Variants in KCNH8 observed in about 807,000 individuals in gnomAD.
KCNH8 encodes potassium voltage-gated channel subfamily H member 8, also known as voltage-gated delayed rectifier potassium channel KCNH8.
KCNH8 carries 70 observed loss-of-function variants against 103.6 expected under a neutral mutation model. The ratio of observed to expected loss-of-function variants is 0.68; its 90% CI spans 0.56 to 0.82. The LOEUF (loss-of-function observed/expected upper bound fraction) is 0.82, where lower values mean the gene tolerates loss of function less well. Among genes scored for constraint, KCNH8 ranks in the 40% least tolerant of loss-of-function variants. The pLI, the probability that KCNH8 is intolerant of heterozygous loss-of-function variation, is 0.00. For synonymous variants in KCNH8, 498 were observed against 489.4 expected, an observed-to-expected ratio of 1.02 and a Z score of -0.23; for missense variants, 1,217 against 1,329.9, an observed-to-expected ratio of 0.92 and a Z score of 1.32.
At chr3:19,395,682 C>G (rs1392591546) in intron 7 of KCNH8, among the ~76,000 whole-genome samples, 1 of 151,938 alleles carries the variant, frequency 6.6e-6, no homozygotes, top group Admixed American at 6.6e-5. Flanking sequence ...GATAACTTAA[C>G]TAATAAGAAA....
chr3:19,449,979 T>G, intron 8 of KCNH8, 127 bp from the exon 9 acceptor site: 1 of 714,116 alleles, frequency 1.4e-6, no homozygotes, highest in Middle Eastern at 2.5e-4. Context: ...CCAAAATAGC[T>G]GTATCAACAT....
intron 5 of KCNH8, among the ~76,000 whole-genome samples, chr3:19,375,435 A>G (rs368385620): frequency 5.1e-4 from 76 of 150,490 alleles, no homozygotes; most frequent in Middle Eastern, 3.4e-3. Context: ...CGTAGTTCTC[A>G]AGCCTTGGTT....
intron 11 of KCNH8, among the ~76,000 whole-genome samples, chr3:19,491,832 G>A (rs2068328538): frequency 6.6e-6 from 1 of 152,146 alleles, no homozygotes; most frequent in African/African-American, 2.4e-5. Flanking sequence ...AGCTTTGCCA[G>A]CATCTGTTTT....
rs771299350 is a variant in KCNH8, at chr3:19,513,126, A to G, written c.2236A>G (p.Lys746Glu). Residue 746 changes from lysine (K) to glutamate (E), a missense_variant, in exon 13 of 16, where the codon AAA becomes GAA. By Grantham distance (56) the Lys-to-Glu change is moderately conservative. Around this residue, in one of 3 missense-constraint regions of KCNH8, gnomAD observed 558 missense variants for 495.8 expected, o/e 1.13. Transcript: ENST00000328405. ...GCGCAACAAGAAGGTTGGAAGCAAT[A>G]AAGCCTACCTGGGCTTAAGCTTAAA... ...SSRNKKVGSN[K>E]AYLGLSLKQL... The G allele has an allele frequency of 3.7e-6, 6 of 1,613,834 alleles. No individual in the cohort carries two copies. In the South Asian group the frequency reaches 6.6e-5, roughly 18 times the overall value.
chr3:19,312,285 T>C (rs2065217924), intron 3 of KCNH8, among the ~76,000 whole-genome samples: 1 of 151,964 alleles, frequency 6.6e-6, no homozygotes, highest in South Asian at 2.1e-4. Context: ...TTTTTCCTTA[T>C]TATTTCTTTC....
chr3:19,263,855 G>A (rs149266107), intron 2 of KCNH8, among the ~76,000 whole-genome samples: 11 of 152,076 alleles, frequency 7.2e-5, no homozygotes, highest in African/African-American at 9.6e-5. Flanking sequence ...TGTGTGTGTC[G>A]CAACAGGCAA....
chr3:19,212,385 A>G, intron 1 of KCNH8, among the ~76,000 whole-genome samples: 1 of 152,198 alleles, frequency 6.6e-6, no homozygotes, highest in East Asian at 1.9e-4. Flanking sequence ...CCCAACGTGA[A>G]TACCAGCTTT....
intron 1 of KCNH8, among the ~76,000 whole-genome samples, chr3:19,251,812 G>T (rs1427297230): frequency 6.6e-6 from 1 of 152,118 alleles, no homozygotes; most frequent in Non-Finnish European, 1.5e-5. Flanking sequence ...GCTCTCTCTA[G>T]AGACAACACA....
intron 11 of KCNH8, among the ~76,000 whole-genome samples, chr3:19,506,234 C>G (rs1380005791): frequency 6.6e-6 from 1 of 152,274 alleles, no homozygotes; most frequent in East Asian, 1.9e-4. Context: ...GCCACTCTGG[C>G]TTTTTGAGCT....
chr3:19,292,596 A>G (rs1447760447), intron 3 of KCNH8, among the ~76,000 whole-genome samples: 1 of 152,212 alleles, frequency 6.6e-6, no homozygotes, highest in Admixed American at 6.6e-5. Context: ...TATTTTCCTC[A>G]TATTTCAAAG....
At position 19,159,198 on chromosome 3, in the gene KCNH8, A is replaced by G. The variant is rs532468584; in HGVS notation, c.76+10403A>G. Among the ~76,000 whole-genome samples the G allele has an allele frequency of 5.9e-4, 90 of 151,972 alleles. No individual in the cohort carries two copies. The Middle Eastern group carries it at 0.01, about 17-fold the overall frequency. ...TATAATGAATTCAACAGATTTTATA[A>G]TATTGAACTATCTTTGCATCCCTTC... On this transcript the variant is annotated intron_variant, in intron 1 of 15. Coordinates refer to ENST00000328405, the MANE Select transcript of KCNH8 (RefSeq NM_144633.3).
At chr3:19,506,801 T>G (rs983566500) in intron 11 of KCNH8, among the ~76,000 whole-genome samples, 1 of 151,908 alleles carries the variant, frequency 6.6e-6, no homozygotes, top group Non-Finnish European at 1.5e-5. Context: ...TCAGCCAAGG[T>G]TGGGGTGGCT....
intron 15 of KCNH8, among the ~76,000 whole-genome samples, chr3:19,521,272 A>C (rs1393183249): frequency 6.6e-6 from 1 of 152,024 alleles, no homozygotes; most frequent in African/African-American, 2.4e-5. Flanking sequence ...ACTATGGAAG[A>C]AAGAGAATTC....
At chr3:19,154,075 G>C (rs1353001933) in intron 1 of KCNH8, among the ~76,000 whole-genome samples, 2 of 152,156 alleles carry the variant, frequency 1.3e-5, no homozygotes, top group African/African-American at 2.4e-5. Flanking sequence ...ATTAGAAAAA[G>C]ATAAGTGTAA....
intron 1 of KCNH8, among the ~76,000 whole-genome samples, chr3:19,187,340 A>G (rs961670971): frequency 6.6e-6 from 1 of 152,002 alleles, no homozygotes; most frequent in African/African-American, 2.4e-5. Flanking sequence ...ATACTTGTGT[A>G]CATACATATC....
chr3:19,171,743 T>C (rs1428042794), intron 1 of KCNH8, among the ~76,000 whole-genome samples: 1 of 152,108 alleles, frequency 6.6e-6, no homozygotes, highest in African/African-American at 2.4e-5. Flanking sequence ...ATAGGTAAAA[T>C]GAAAACTATC....
chr3:19,245,379 A>G (rs981063460), intron 1 of KCNH8, among the ~76,000 whole-genome samples: 34 of 152,134 alleles, frequency 2.2e-4, no homozygotes, highest in African/African-American at 8.2e-4. Flanking sequence ...CATACTTTGA[A>G]GTTGGGTAAT....
chr3:19,211,472 G>A (rs968091843), intron 1 of KCNH8, among the ~76,000 whole-genome samples: 12 of 152,220 alleles, frequency 7.9e-5, no homozygotes, highest in Middle Eastern at 3.4e-3. Flanking sequence ...TTCTCAAGGC[G>A]TAGTCTCTGT....
rs148738366 is a variant in KCNH8, at chr3:19,342,742, T to A, written c.570+28T>A. ...AGGTGGTATGTGTGTACAGGATGAA[T>A]GCTAGTGTTTCCCCTGGTGGCAATG... On this transcript the variant is annotated intron_variant, in intron 4 of 15. Transcript: ENST00000328405. 130 of 1,573,144 alleles carry A rather than the reference T, an allele frequency of 8.3e-5. No homozygotes were observed. In the African/African-American group the frequency reaches 1.7e-3, roughly 21 times the overall value.
Sources: allele counts gnomAD v4.1 joint callset (sites outside exome capture counted in the v4.1 genomes callset), GRCh38; gene constraint gnomAD v4.1.1; regional missense constraint gnomAD v4.1.1; transcripts MANE v1.5; gene names NCBI Gene and HGNC (gene_info 2026-07-23, HGNC 2026-07-21).